Variants in NDUFA10 observed in about 807,000 individuals in gnomAD.
The protein encoded by NDUFA10 is NADH dehydrogenase [ubiquinone] 1 alpha subcomplex subunit 10, mitochondrial.
A neutral mutation model predicts 47.8 loss-of-function variants in NDUFA10; 40 were observed. The ratio of observed to expected loss-of-function variants is 0.84; its 90% CI spans 0.65 to 1.09. The LOEUF (loss-of-function observed/expected upper bound fraction) is 1.09. Among genes scored for constraint, NDUFA10 ranks in the 50% least tolerant of loss-of-function variants. The pLI, the probability that NDUFA10 is intolerant of heterozygous loss-of-function variation, is 0.00. For synonymous variants in NDUFA10, 183 were observed against 172.2 expected (o/e 1.06, Z -0.49); for missense variants, 413 against 451.1 (o/e 0.92, Z 0.76).
At chr2:239,986,768 G>T (rs925446874) in intron 9 of NDUFA10, among the ~76,000 whole-genome samples, 8 of 152,202 alleles carry the variant, frequency 5.3e-5, no homozygotes, top group Non-Finnish European at 1.0e-4. Flanking sequence ...CTGAGTGAAA[G>T]TTTGATGAGG....
intron 5 of NDUFA10, among the ~76,000 whole-genome samples, chr2:239,894,939 A>C (rs372314561): frequency 1.4e-4 from 22 of 152,270 alleles, no homozygotes; most frequent in African/African-American, 5.1e-4. Context: ...GTCTCTTCCC[A>C]CAACCCTGAC....
chr2:239,943,942 A>C (rs7609200), intron 4 of NDUFA10, among the ~76,000 whole-genome samples: 73,555 of 151,928 alleles, frequency 0.48, 17,940 homozygotes, highest in East Asian at 0.67. Flanking sequence ...TTATGGGGGG[A>C]AGCTGAGGCT....
chr2:239,960,085 C>T lies in NDUFA10; in HGVS notation c.*1033G>A. The T allele has an allele frequency of 3.0e-6, 3 of 985,428 alleles. No individual in the cohort carries two copies. The South Asian group carries it at 1.4e-4, about 46-fold the overall frequency. The allele number at this position is 985,428 out of a possible 1,614,324, so 61.0% of individuals were successfully genotyped here. ...TAGCTCATTTAAATTTCAATACCCA[C>T]ATGTGGCTAGGAGCTACCATATTGG... On this transcript the variant is annotated 3_prime_UTR_variant, in exon 10 of 10. Coordinates refer to ENST00000252711, the MANE Select transcript of NDUFA10 (RefSeq NM_004544.4).
At chr2:239,924,194 A>C (rs1694034165) in intron 4 of NDUFA10, among the ~76,000 whole-genome samples, 1 of 152,142 alleles carries the variant, frequency 6.6e-6, no homozygotes, top group African/African-American at 2.4e-5. Context: ...ATCCTTTTTC[A>C]TTTTATGCGA....
At chr2:240,004,742 C>T (rs1018226449) in intron 8 of NDUFA10, among the ~76,000 whole-genome samples, 5 of 152,184 alleles carry the variant, frequency 3.3e-5, no homozygotes, top group African/African-American at 1.2e-4. Context: ...CAAGCCCCTG[C>T]CCTCTGCTCA....
chr2:239,949,905 TG>T (rs1311313733), intron 4 of NDUFA10, among the ~76,000 whole-genome samples: 8 of 152,316 alleles, frequency 5.3e-5, no homozygotes, highest in Admixed American at 5.2e-4. Flanking sequence ...TCCTTGTAAC[TG>T]TCTCCATATC....
intron 4 of NDUFA10, among the ~76,000 whole-genome samples, chr2:239,939,668 C>T (rs1020123362): frequency 2.6e-5 from 4 of 152,138 alleles, no homozygotes; most frequent in Non-Finnish European, 5.9e-5. Flanking sequence ...TTCTCCACAT[C>T]GACAAGGAAG....
intron 4 of NDUFA10, among the ~76,000 whole-genome samples, chr2:239,902,442 T>C (rs141591885): frequency 6.6e-6 from 1 of 152,360 alleles, no homozygotes; most frequent in African/African-American, 2.4e-5. Flanking sequence ...GGTATGCACA[T>C]TGTTTTTGTG....
At chr2:239,908,346 C>G (rs566047531) in intron 4 of NDUFA10, among the ~76,000 whole-genome samples, 6 of 152,092 alleles carry the variant, frequency 3.9e-5, no homozygotes, top group African/African-American at 1.4e-4. Flanking sequence ...TGTATACATA[C>G]GTAACAAACC....
Position 239,945,785 on chromosome 2 carries a change from C to T in NDUFA10, c.294+44289G>A, listed in dbSNP as rs899091400. 4.6e-5 allele frequency among the ~76,000 whole-genome samples: 7 copies of T among 152,222 alleles called. No homozygotes were observed. Among genetic ancestry groups the T allele is most frequent in the African/African-American group, 1.2e-4 (5 of 41,456 alleles). On this transcript the variant is annotated intron_variant, in intron 4 of 5. Coordinates refer to the NDUFA10 transcript ENST00000419408. The surrounding 1 kb of genome is among the most constrained non-coding windows in gnomAD (Gnocchi z 4.6). ...AGCTCAACCAGGCATCACGGCCAAA[C>T]GTGCAGAGTGGACCACTCCAGACCC...
In NDUFA10 at chr2:239,975,525, C is replaced by CTT. The variant is rs1559341680; in HGVS notation, c.1000-14340_1000-14339insAA. On this transcript the variant is annotated intron_variant, in intron 9 of 9. Transcript: ENST00000252711. ...CCAGAAGCTGCAGGACCTCAGAAAG[C>CTT]CACTGTGTCAAACTGCTCATTTGCA... Among the ~76,000 whole-genome samples the CTT allele has an allele frequency of 6.6e-5, 10 of 152,326 alleles. No homozygotes were observed. In the East Asian group the frequency reaches 1.7e-3, roughly 26 times the overall value.
At chr2:239,978,151 A>G (rs1695603547) in intron 9 of NDUFA10, among the ~76,000 whole-genome samples, 1 of 152,160 alleles carries the variant, frequency 6.6e-6, no homozygotes, top group South Asian at 2.1e-4. Flanking sequence ...TGCTCCATCA[A>G]CGGTCCCATT....
rs1304132109 is a variant in NDUFA10, at chr2:240,011,664, T to C, written c.702A>G (p.Leu234=). Residue 234 remains leucine (L), a synonymous_variant, in exon 6 of 10, where the codon CTA becomes CTG. Transcript: ENST00000252711. ...TCTTATAGGCATTCTCAATGTCCTG[T>C]AGATAGGCAGAGGTGATCTTCATTT... ...PHEMKITSAY[L]QDIENAYKKT... 23 of 1,613,702 alleles carry C rather than the reference T, an allele frequency of 1.4e-5. No homozygotes were observed. Among genetic ancestry groups the C allele is most frequent in the Non-Finnish European group, 1.9e-5 (23 of 1,179,586 alleles).
rs1222469850 is a variant in NDUFA10 at position 240,016,756 on chromosome 2, G to A, written c.547+1797C>T. On this transcript the variant is annotated intron_variant, in intron 4 of 9. Coordinates refer to ENST00000252711, the MANE Select transcript of NDUFA10 (RefSeq NM_004544.4). The surrounding 1 kb of genome is among the most constrained non-coding windows in gnomAD (Gnocchi z 4.4). ...CAAGGAAAGCATGCTCACGGTCAGT[G>A]CTGGACCCCCAACGCCTGCAGACTC... Among the ~76,000 whole-genome samples the A allele has an allele frequency of 6.6e-6, 1 of 152,076 alleles. No homozygotes were observed. The highest frequency in any genetic ancestry group is 6.5e-5 in the Admixed American group (1 of 15,272).
intron 4 of NDUFA10, among the ~76,000 whole-genome samples, chr2:239,924,945 C>T (rs762183050): frequency 2.0e-5 from 3 of 151,988 alleles, no homozygotes; most frequent in Admixed American, 2.0e-4. Context: ...ATTAAAAATA[C>T]AATGCAGTGT....
intron 4 of NDUFA10, among the ~76,000 whole-genome samples, chr2:239,918,223 AT>A (rs1198387893): frequency 6.6e-6 from 1 of 152,136 alleles, no homozygotes; most frequent in Non-Finnish European, 1.5e-5. Flanking sequence ...AGCACCTGCC[AT>A]GTTGCCAGGA....
At chr2:239,904,633 C>T (rs957312976) in intron 4 of NDUFA10, among the ~76,000 whole-genome samples, 1 of 152,342 alleles carries the variant, frequency 6.6e-6, no homozygotes, top group African/African-American at 2.4e-5. Context: ...CTAGAGACTG[C>T]AGGCCCTGCC....
intron 9 of NDUFA10, among the ~76,000 whole-genome samples, chr2:239,971,287 A>G (rs928438628): frequency 6.6e-6 from 1 of 152,212 alleles, no homozygotes; most frequent in Non-Finnish European, 1.5e-5. Flanking sequence ...GGTACATCGC[A>G]AGGGTCTCCA....
chr2:239,929,648 G>A lies in NDUFA10; in HGVS notation c.295-34334C>T, dbSNP rs113129352. Among the ~76,000 whole-genome samples the A allele has an allele frequency of 8.5e-3, 1,277 of 150,094 alleles. 14 individuals are homozygous for A. Among genetic ancestry groups the A allele is most frequent in the African/African-American group, 0.03 (1,201 of 40,662 alleles). ...CCTCCACTGCTCTTGCTCCTCCACC[G>A]CCCCTGCTTCTCCACCACCCCTGCT... is the stretch of plus-strand genomic sequence containing the variant. On this transcript the variant is annotated intron_variant, in intron 4 of 5. Coordinates refer to the NDUFA10 transcript ENST00000419408.
Sources: allele counts gnomAD v4.1 joint callset (sites outside exome capture counted in the v4.1 genomes callset), GRCh38; gene constraint gnomAD v4.1.1; non-coding constraint Gnocchi (gnomAD v3.1); transcripts MANE v1.5; gene names NCBI Gene and HGNC (gene_info 2026-07-23, HGNC 2026-07-21).